SLC49A4: variants seen among roughly 807,000 people sequenced by gnomAD.
SLC49A4 encodes the protein solute carrier family 49 member 4, also known as disrupted in renal cancer protein 2.
A neutral mutation model predicts 50.6 loss-of-function variants in SLC49A4; 36 were observed. The observed-to-expected ratio is 0.71, with a 90% CI of 0.55 to 0.94. SLC49A4 has a LOEUF of 0.94. SLC49A4 is among the 40% of genes least tolerant of loss of function. The pLI is 0.00. For missense variants in SLC49A4, 503 were observed against 605.7 expected, an observed-to-expected ratio of 0.83 and a Z score of 1.78; for synonymous variants, 248 against 241.2, an observed-to-expected ratio of 1.03 and a Z score of -0.26.
chr3:122,799,697 GA>G (rs1291611731), intron 1 of SLC49A4, among the ~76,000 whole-genome samples: 1 of 152,218 alleles, frequency 6.6e-6, no homozygotes, highest in Non-Finnish European at 1.5e-5. Context: ...TAGGCTAGTA[GA>G]ATAACCCAGA....
intron 2 of SLC49A4, among the ~76,000 whole-genome samples, chr3:122,809,242 C>T (rs78670127): frequency 1.3e-5 from 2 of 152,160 alleles, no homozygotes; most frequent in Non-Finnish European, 2.9e-5. Flanking sequence ...AGACAATCAT[C>T]TAGGTTCCTA....
chr3:122,831,898 A>G (rs1936613755), intron 3 of SLC49A4, among the ~76,000 whole-genome samples: 1 of 152,044 alleles, frequency 6.6e-6, no homozygotes. Flanking sequence ...AAATAACTCT[A>G]AATTAGAACA....
At chr3:122,877,389 C>T (rs563909942) in intron 8 of SLC49A4, among the ~76,000 whole-genome samples, 1 of 152,242 alleles carries the variant, frequency 6.6e-6, no homozygotes, top group East Asian at 1.9e-4. Context: ...CAAACCATGG[C>T]GCTAAAGAGC....
intron 5 of SLC49A4, among the ~76,000 whole-genome samples, 186 bp downstream of exon 5, chr3:122,846,057 A>G (rs1936844114): frequency 6.6e-6 from 1 of 152,172 alleles, no homozygotes; most frequent in African/African-American, 2.4e-5. Flanking sequence ...GATTTTGACA[A>G]TAGTTGTGAA....
At chr3:122,862,450 A>C in intron 7 of SLC49A4, among the ~76,000 whole-genome samples, 1 of 152,242 alleles carries the variant, frequency 6.6e-6, no homozygotes, top group East Asian at 1.9e-4. Flanking sequence ...AATACTGTGC[A>C]CTGTTGTACA....
At chr3:122,824,189 A>G (rs1486665143) in intron 2 of SLC49A4, among the ~76,000 whole-genome samples, 1 of 152,222 alleles carries the variant, frequency 6.6e-6, no homozygotes, top group Non-Finnish European at 1.5e-5. Flanking sequence ...TTGCAACACC[A>G]CATAAGCTTA....
chr3:122,858,165 T>C (rs955619359), intron 6 of SLC49A4, among the ~76,000 whole-genome samples: 3 of 152,352 alleles, frequency 2.0e-5, no homozygotes, highest in Non-Finnish European at 4.4e-5. Context: ...CTATTAAAGA[T>C]ACTTCTTCGT....
intron 2 of SLC49A4, among the ~76,000 whole-genome samples, chr3:122,810,192 G>A (rs766352822): frequency 1.2e-4 from 18 of 152,122 alleles, no homozygotes; most frequent in Non-Finnish European, 2.5e-4. Context: ...CAAGACATGA[G>A]AATAGCAGCA....
Position 122,811,421 on chromosome 3 carries a change from G to A in SLC49A4, c.437+4471G>A, listed in dbSNP as rs186924753. On this transcript the variant is annotated intron_variant, in intron 2 of 8. Coordinates refer to ENST00000261038, the MANE Select transcript of SLC49A4 (RefSeq NM_032839.3). ...TTTACTGGCAAAGATGAAAAAAATTGATAATGTTCTATGCCTGAGATGTGG... is the reference window on the plus strand; with the variant it reads ...TTTACTGGCAAAGATGAAAAAAATTAATAATGTTCTATGCCTGAGATGTGG... Among the ~76,000 whole-genome samples the A allele has an allele frequency of 2.0e-5, 3 of 152,294 alleles. No individual in the cohort carries two copies. In the East Asian group the frequency reaches 5.8e-4, roughly 29 times the overall value.
At chr3:122,818,673 T>C (rs1488649835) in intron 2 of SLC49A4, among the ~76,000 whole-genome samples, 1 of 152,132 alleles carries the variant, frequency 6.6e-6, no homozygotes, top group African/African-American at 2.4e-5. Flanking sequence ...ACTGGGCTTG[T>C]TGGCTCACAC....
At chr3:122,811,289 G>A (rs1404730712) in intron 2 of SLC49A4, among the ~76,000 whole-genome samples, 1 of 152,222 alleles carries the variant, frequency 6.6e-6, no homozygotes, top group African/African-American at 2.4e-5. Context: ...ATGAACTCAA[G>A]AGAAGTTCAA....
At chr3:122,832,705 A>G (rs537827128) in intron 3 of SLC49A4, among the ~76,000 whole-genome samples, 14 of 152,262 alleles carry the variant, frequency 9.2e-5, no homozygotes, top group African/African-American at 3.4e-4. Flanking sequence ...TTTTCTCCAT[A>G]AGACAACATT....
chr3:122,835,407 A>T (rs1438413111), intron 4 of SLC49A4, among the ~76,000 whole-genome samples: 1 of 152,244 alleles, frequency 6.6e-6, no homozygotes, highest in East Asian at 1.9e-4. Context: ...CCAACAGCAC[A>T]TCAGAAAGAT....
At chr3:122,838,802 GACCATACTGCCCAAAGC>G (rs1186329602) in intron 4 of SLC49A4, among the ~76,000 whole-genome samples, 5 of 151,962 alleles carry the variant, frequency 3.3e-5, no homozygotes, top group Non-Finnish European at 7.4e-5. Context: ...TTGTGAAAAT[GACCATACTGCCCAAAGC>G]AATCTACAGA....
intron 4 of SLC49A4, among the ~76,000 whole-genome samples, chr3:122,834,030 C>G (rs999883934): frequency 1.3e-5 from 2 of 152,058 alleles, no homozygotes; most frequent in Non-Finnish European, 2.9e-5. Context: ...GGCTCAAATG[C>G]CCAGTACTGA....
intron 7 of SLC49A4, among the ~76,000 whole-genome samples, chr3:122,871,114 C>G (rs187014444): frequency 1.3e-4 from 20 of 152,292 alleles, no homozygotes; most frequent in Admixed American, 4.6e-4. Flanking sequence ...AATTTGGTCA[C>G]TGCCTTAGCC....
intron 1 of SLC49A4, among the ~76,000 whole-genome samples, chr3:122,799,963 G>C (rs1936107216): frequency 6.6e-6 from 1 of 151,796 alleles, no homozygotes; most frequent in South Asian, 2.1e-4. Context: ...TGGAGATGAG[G>C]GATTTGAAAT....
intron 8 of SLC49A4, among the ~76,000 whole-genome samples, chr3:122,878,201 A>G (rs1054242664): frequency 6.6e-6 from 1 of 152,230 alleles, no homozygotes; most frequent in African/African-American, 2.4e-5. Context: ...TAGAAGTACA[A>G]AGGGAAAATA....
rs1202888276 is a variant in SLC49A4 at position 122,845,867 on chromosome 3, G to A, written c.938G>A (p.Ser313Asn). 6.2e-7 allele frequency: 1 copy of A among 1,600,402 alleles called. No homozygotes were observed. ...LDLILTPAHV[S>N]QVDAGWIGFW... ...TTAATTTTAACACCAGCGCATGTCA[G>A]CCAAGTAAGTATTTTATTTCTTTAT... The change falls in exon 5 of 9, where the codon AGC (serine) becomes AAC (asparagine). Residue 313 changes from serine (S) to asparagine (N), a missense_variant. Transcript: ENST00000261038.
Sources: gnomAD v4.1 joint callset for allele counts (sites outside exome capture counted in the v4.1 genomes callset) on GRCh38, gnomAD v4.1.1 for gene constraint, MANE v1.5 for transcripts, NCBI Gene and HGNC (gene_info 2026-07-23, HGNC 2026-07-21) for gene names.